The following TTC27 variants were observed in gnomAD, a reference collection of about 807,000 sequenced individuals.
TTC27 encodes the protein tetratricopeptide repeat protein 27.
Under a neutral mutation model 115.9 loss-of-function variants are expected in TTC27, and 79 were observed. That is an observed-to-expected ratio of 0.68 (90% CI 0.57 to 0.82). The LOEUF (loss-of-function observed/expected upper bound fraction) is 0.82, where lower values mean the gene tolerates loss of function less well. Among genes scored for constraint, TTC27 ranks in the 40% least tolerant of loss-of-function variants. TTC27 has a pLI of 0.00. For synonymous variants in TTC27, 401 were observed against 356.0 expected (o/e 1.13, Z -1.42); for missense variants, 1,054 against 993.1 (o/e 1.06, Z -0.82).
At chr2:32,746,604 C>T (rs1412737792) in intron 12 of TTC27, among the ~76,000 whole-genome samples, 1 of 137,346 alleles carries the variant, frequency 7.3e-6, no homozygotes, top group African/African-American at 2.6e-5. Context: ...TGTATATTCC[C>T]ATGGGGAAAT....
chr2:32,782,781 C>T lies in TTC27; in HGVS notation c.1832+103C>T, dbSNP rs1213561105. The T allele has an allele frequency of 3.1e-5, 28 of 909,956 alleles. 1 individual carries two copies. Among genetic ancestry groups the T allele is most frequent in the Non-Finnish European group, 3.7e-5 (22 of 588,766 alleles). 56.4% of individuals were successfully genotyped at this position (909,956 alleles called of 1,614,324 possible). ...CAATGTTTCTCCTTGTTTTACCTTT[C>T]TCGCCCATGTATATGAAATAGAATA... On this transcript the variant is annotated intron_variant, in intron 15 of 19. Transcript: ENST00000317907.
chr2:32,708,017 G>C (rs1212883176), intron 10 of TTC27, among the ~76,000 whole-genome samples: 1 of 151,958 alleles, frequency 6.6e-6, no homozygotes, highest in Non-Finnish European at 1.5e-5. Flanking sequence ...AATCTAAAGA[G>C]AACCCAGTGG....
chr2:32,728,564 A>G (rs1668189132), intron 10 of TTC27, among the ~76,000 whole-genome samples: 1 of 152,166 alleles, frequency 6.6e-6, no homozygotes, highest in Non-Finnish European at 1.5e-5. Context: ...AGTTCTCAGT[A>G]TTTTTCCAAT....
rs888445145 is a variant in TTC27, at chr2:32,802,997, T to C, written c.1999-8027T>C. 4.6e-5 allele frequency among the ~76,000 whole-genome samples: 7 copies of C among 152,208 alleles called. No homozygotes were observed. In the East Asian group the frequency reaches 1.3e-3, roughly 29 times the overall value. ...CCTGTTGGCTCGTATTTCCCTGGGG[T>C]ATTGTCTGTTCAACTGGTAATATGT... is the stretch of plus-strand genomic sequence containing the variant. On this transcript the variant is annotated intron_variant, in intron 16 of 19. Transcript: ENST00000317907.
intron 10 of TTC27, among the ~76,000 whole-genome samples, chr2:32,715,653 T>C (rs1315257733): frequency 2.0e-5 from 3 of 152,176 alleles, no homozygotes; most frequent in Non-Finnish European, 4.4e-5. Context: ...TTATTGCTCC[T>C]GTGTGGGCCG....
intron 7 of TTC27, 148 bp downstream of exon 7, chr2:32,666,916 A>G: frequency 1.0e-6 from 1 of 975,576 alleles, no homozygotes; most frequent in Non-Finnish European, 1.4e-6. Context: ...GTCAGGGAGA[A>G]CTGGTGTTTA....
At chr2:32,700,435 C>G (rs1282375397) in intron 9 of TTC27, among the ~76,000 whole-genome samples, 1 of 152,038 alleles carries the variant, frequency 6.6e-6, no homozygotes, top group Non-Finnish European at 1.5e-5. Flanking sequence ...AGATGATAAT[C>G]CCTTTAATAA....
intron 8 of TTC27, 42 bp from the exon 9 acceptor site, chr2:32,678,814 A>G: frequency 4.2e-6 from 6 of 1,419,168 alleles, no homozygotes; most frequent in Non-Finnish European, 5.9e-6. Context: ...TAGCTACAAC[A>G]TGCATCTTAT....
chr2:32,697,429 C>A (rs1056596973), intron 9 of TTC27, among the ~76,000 whole-genome samples: 1 of 152,148 alleles, frequency 6.6e-6, no homozygotes, highest in Non-Finnish European at 1.5e-5. Flanking sequence ...GGCATCTGAG[C>A]AGTTTAGCTG....
chr2:32,646,895 T>G (rs1278974887), intron 4 of TTC27, among the ~76,000 whole-genome samples: 2 of 151,956 alleles, frequency 1.3e-5, no homozygotes, highest in Non-Finnish European at 2.9e-5. Flanking sequence ...CTCCCCCATA[T>G]AAAGATTTTT....
At chr2:32,663,990 A>ATT (rs34288912) in intron 5 of TTC27, among the ~76,000 whole-genome samples, 98 of 144,158 alleles carry the variant, frequency 6.8e-4, no homozygotes, top group African/African-American at 1.9e-3. Context: ...TCCCCCCACT[A>ATT]TTTTTTTTTT....
chr2:32,807,892 C>G (rs1320364036), intron 16 of TTC27, among the ~76,000 whole-genome samples: 2 of 148,366 alleles, frequency 1.3e-5, no homozygotes, highest in Admixed American at 6.8e-5. Flanking sequence ...CTGGCCACTC[C>G]TTTTCAGTTC....
At chr2:32,681,989 T>TGTGG (rs1666445770) in intron 9 of TTC27, among the ~76,000 whole-genome samples, 1 of 56,146 alleles carries the variant, frequency 1.8e-5, no homozygotes, top group South Asian at 7.6e-4. Context: ...TATGTGTGTG[T>TGTGG]GTGTGTGTGT....
rs181916383 is a variant in TTC27, at chr2:32,698,419, C to G, written c.1120-4388C>G. Among the ~76,000 whole-genome samples the G allele has an allele frequency of 3.5e-3, 432 of 122,318 alleles. 6 individuals are homozygous for G. Among genetic ancestry groups the G allele is most frequent in the African/African-American group, 0.011 (407 of 37,678 alleles). The allele number at this position is 122,318 out of a possible 152,430, so 80.2% of individuals were successfully genotyped here. Reference sequence around the variant, plus strand: ...AGTGCTGGGATTACAGTTAAGCCATCTCACCCAGCCATAAAGTTATTATTA... The same window carrying G: ...AGTGCTGGGATTACAGTTAAGCCATGTCACCCAGCCATAAAGTTATTATTA... On this transcript the variant is annotated intron_variant, in intron 9 of 19. Coordinates refer to ENST00000317907, the MANE Select transcript of TTC27 (RefSeq NM_017735.5).
chr2:32,665,662 A>G (rs1273510456), intron 6 of TTC27, among the ~76,000 whole-genome samples: 2 of 152,208 alleles, frequency 1.3e-5, no homozygotes, highest in Non-Finnish European at 2.9e-5. Flanking sequence ...TGGGAGGCTG[A>G]GGCGGGCAGA....
chr2:32,717,650 A>G (rs1313091499), intron 10 of TTC27, among the ~76,000 whole-genome samples: 1 of 152,092 alleles, frequency 6.6e-6, no homozygotes, highest in East Asian at 1.9e-4. Flanking sequence ...ATAATTCAGT[A>G]GTTTGGGTGT....
intron 3 of TTC27, among the ~76,000 whole-genome samples, chr2:32,637,883 T>C (rs115557165): frequency 0.011 from 1,636 of 152,340 alleles, 24 homozygotes; most frequent in African/African-American, 0.038. Context: ...ACTGAACTCA[T>C]GATGAAGGTC....
chr2:32,773,200 A>G (rs549614716), intron 13 of TTC27, among the ~76,000 whole-genome samples: 1 of 152,300 alleles, frequency 6.6e-6, no homozygotes, highest in East Asian at 1.9e-4. Flanking sequence ...GTCAGCTTTG[A>G]AAGGTTATTG....
intron 12 of TTC27, among the ~76,000 whole-genome samples, chr2:32,742,419 G>T (rs1026573896): frequency 1.3e-5 from 2 of 152,204 alleles, no homozygotes; most frequent in Non-Finnish European, 2.9e-5. Flanking sequence ...GAGTATTTAT[G>T]TTGGCAAGTA....
Sources: allele counts gnomAD v4.1 joint callset (sites outside exome capture counted in the v4.1 genomes callset), GRCh38; gene constraint gnomAD v4.1.1; transcripts MANE v1.5; gene names NCBI Gene and HGNC (gene_info 2026-07-23, HGNC 2026-07-21).